SLC24A3: variants seen among roughly 807,000 people sequenced by gnomAD.
SLC24A3 encodes the protein sodium/potassium/calcium exchanger 3.
A neutral mutation model predicts 75.8 loss-of-function variants in SLC24A3; 28 were observed. The ratio of observed to expected loss-of-function variants is 0.37; its 90% CI spans 0.27 to 0.51. SLC24A3 has a LOEUF of 0.51. Among genes scored for constraint, SLC24A3 ranks in the 20% least tolerant of loss-of-function variants. The pLI is 0.94. For synonymous variants in SLC24A3, 372 were observed against 334.1 expected (o/e 1.11, Z -1.24); for missense variants, 663 against 847.8 (o/e 0.78, Z 2.71).
chr20:19,498,122 T>G (rs2206637), intron 2 of SLC24A3, among the ~76,000 whole-genome samples: 2 of 152,180 alleles, frequency 1.3e-5, no homozygotes, highest in Non-Finnish European at 2.9e-5. Context: ...CATGAAATTC[T>G]AATGCCTGAT....
At chr20:19,385,810 A>G (rs189111450) in intron 2 of SLC24A3, among the ~76,000 whole-genome samples, 1 of 152,064 alleles carries the variant, frequency 6.6e-6, no homozygotes, top group East Asian at 1.9e-4. Flanking sequence ...CCAGGATCTT[A>G]TTTTTGTAGA....
intron 1 of SLC24A3, among the ~76,000 whole-genome samples, chr20:19,236,937 TAG>T (rs1982186345): frequency 6.6e-6 from 1 of 152,168 alleles, no homozygotes; most frequent in South Asian, 2.1e-4. Flanking sequence ...TATTTTTCGG[TAG>T]AGTTTCCCTC....
chr20:19,284,361 C>T (rs1259532807), intron 2 of SLC24A3: 1 of 152,672 alleles, frequency 6.5e-6, no homozygotes, highest in Non-Finnish European at 1.5e-5. Context: ...CTTAAGAGGC[C>T]CTGGGCACAA....
chr20:19,612,859 C>T (rs2031689027), intron 6 of SLC24A3, among the ~76,000 whole-genome samples: 1 of 152,218 alleles, frequency 6.6e-6, no homozygotes, highest in South Asian at 2.1e-4. Context: ...ACTCCACTTA[C>T]ACCCTCCACC....
intron 9 of SLC24A3, among the ~76,000 whole-genome samples, chr20:19,680,501 G>A (rs1273635647): frequency 6.6e-6 from 1 of 152,170 alleles, no homozygotes; most frequent in African/African-American, 2.4e-5. Flanking sequence ...TTCTCTGTCT[G>A]TAGTGTTGGC....
chr20:19,406,987 A>G (rs1286237044), intron 2 of SLC24A3, among the ~76,000 whole-genome samples: 1 of 150,802 alleles, frequency 6.6e-6, no homozygotes, highest in Non-Finnish European at 1.5e-5. Context: ...ACAGACACAT[A>G]TCACTCACCA....
chr20:19,281,101 C>T lies in SLC24A3; in HGVS notation c.271+14C>T, dbSNP rs1275145000. ...GCACCGAACCAGGTAACAGTGCTGA[C>T]TACTCATGGGCAGCAGCTGTCATTT... On this transcript the variant is annotated intron_variant, in intron 2 of 16. Coordinates refer to ENST00000328041, the MANE Select transcript of SLC24A3 (RefSeq NM_020689.4). 1 of 1,613,832 alleles carries T rather than the reference C, an allele frequency of 6.2e-7. No homozygotes were observed. Among genetic ancestry groups the T allele is most frequent in the Non-Finnish European group, 8.5e-7 (1 of 1,179,756 alleles).
chr20:19,317,256 A>G (rs1428494007), intron 2 of SLC24A3, among the ~76,000 whole-genome samples: 1 of 152,246 alleles, frequency 6.6e-6, no homozygotes, highest in Non-Finnish European at 1.5e-5. Context: ...GGACATAGGC[A>G]TGGGCAAAGA....
chr20:19,518,374 T>C (rs1447427807), intron 3 of SLC24A3, among the ~76,000 whole-genome samples: 2 of 152,206 alleles, frequency 1.3e-5, no homozygotes, highest in East Asian at 1.9e-4. Context: ...GAACCACTTA[T>C]GGTCAGCACC....
At chr20:19,645,726 A>G (rs944434579) in intron 6 of SLC24A3, among the ~76,000 whole-genome samples, 5 of 152,200 alleles carry the variant, frequency 3.3e-5, no homozygotes, top group Non-Finnish European at 5.9e-5. Context: ...AGAAACAAAG[A>G]AAAAATTCTA....
intron 1 of SLC24A3, among the ~76,000 whole-genome samples, chr20:19,224,232 A>G (rs1409216706): frequency 4.6e-5 from 7 of 152,116 alleles, no homozygotes; most frequent in African/African-American, 1.4e-4. Flanking sequence ...CAGATCCAAC[A>G]CCACAAGGAT....
At chr20:19,579,097 T>C (rs1396720202) in intron 3 of SLC24A3, among the ~76,000 whole-genome samples, 1 of 152,158 alleles carries the variant, frequency 6.6e-6, no homozygotes, top group Non-Finnish European at 1.5e-5. Flanking sequence ...TACATACTGA[T>C]TGACCAATCA....
intron 2 of SLC24A3, among the ~76,000 whole-genome samples, chr20:19,472,181 A>C (rs1600243509): frequency 6.6e-6 from 1 of 152,338 alleles, no homozygotes; most frequent in East Asian, 1.9e-4. Context: ...CCCTATGGAA[A>C]TGGTGGGTAG....
chr20:19,468,457 AG>A (rs1359423109), intron 2 of SLC24A3, among the ~76,000 whole-genome samples: 1 of 151,992 alleles, frequency 6.6e-6, no homozygotes, highest in Non-Finnish European at 1.5e-5. Flanking sequence ...AGCAGGAGAG[AG>A]TATGGGTATA....
At chr20:19,557,702 A>T (rs1219747912) in intron 3 of SLC24A3, among the ~76,000 whole-genome samples, 5 of 152,222 alleles carry the variant, frequency 3.3e-5, no homozygotes, top group Non-Finnish European at 5.9e-5. Flanking sequence ...TGGAAGAATT[A>T]CACAAAACTA....
intron 3 of SLC24A3, among the ~76,000 whole-genome samples, chr20:19,519,026 C>T (rs1213128419): frequency 6.6e-6 from 1 of 152,156 alleles, no homozygotes. Flanking sequence ...GTCCTGCCAC[C>T]TCAGGCTTCC....
intron 3 of SLC24A3, among the ~76,000 whole-genome samples, chr20:19,564,641 C>G (rs1007738749): frequency 5.9e-5 from 9 of 152,176 alleles, no homozygotes; most frequent in African/African-American, 2.2e-4. Flanking sequence ...CTAGAATGAA[C>G]TTTACCTGTT....
At chr20:19,568,683 G>A (rs895087112) in intron 3 of SLC24A3, among the ~76,000 whole-genome samples, 7 of 152,160 alleles carry the variant, frequency 4.6e-5, no homozygotes, top group East Asian at 3.9e-4. Flanking sequence ...GATGGATGGC[G>A]ATGATGGTTT....
intron 2 of SLC24A3, among the ~76,000 whole-genome samples, chr20:19,419,618 G>A (rs1007084360): frequency 6.6e-6 from 1 of 152,108 alleles, no homozygotes; most frequent in South Asian, 2.1e-4. Context: ...CAGATCCTGA[G>A]GGGAGGGATG....
Sources: allele counts gnomAD v4.1 joint callset (sites outside exome capture counted in the v4.1 genomes callset), GRCh38; gene constraint gnomAD v4.1.1; transcripts MANE v1.5; gene names NCBI Gene and HGNC (gene_info 2026-07-23, HGNC 2026-07-21).